LYPLAL1: variants seen among roughly 807,000 people sequenced by gnomAD.
The protein encoded by LYPLAL1 is lysophospholipase like 1.
In LYPLAL1, 23 loss-of-function variants were observed where a neutral mutation model predicts 19.7. That is an observed-to-expected ratio of 1.17 (90% CI 0.84 to 1.65). LYPLAL1 has a LOEUF of 1.65. LYPLAL1 is among the 40% of genes most tolerant of loss of function. LYPLAL1 has a pLI of 0.00. For missense variants in LYPLAL1, 355 were observed against 279.4 expected, an observed-to-expected ratio of 1.27 and a Z score of -1.93; for synonymous variants, 119 against 96.3, an observed-to-expected ratio of 1.24 and a Z score of -1.38.
chr1:219,295,125 C>T, the LYPLAL1 span, among the ~76,000 whole-genome samples: 1 of 152,132 alleles, frequency 6.6e-6, no homozygotes, highest in African/African-American at 2.4e-5. Context: ...GTGAGTTCAC[C>T]CTGGCTCTCC....
chr1:219,343,640 A>T, the LYPLAL1 span, among the ~76,000 whole-genome samples: 1 of 152,304 alleles, frequency 6.6e-6, no homozygotes, highest in South Asian at 2.1e-4. Flanking sequence ...CATGGCTCAA[A>T]ATTCTGGTAT....
the LYPLAL1 span, among the ~76,000 whole-genome samples, chr1:219,253,986 G>A: frequency 4.6e-5 from 7 of 151,944 alleles, no homozygotes; most frequent in East Asian, 7.7e-4. Context: ...TATAAATTTA[G>A]GATAGTTGAC....
chr1:219,336,473 C>T, the LYPLAL1 span, among the ~76,000 whole-genome samples: 5 of 151,848 alleles, frequency 3.3e-5, no homozygotes, highest in Non-Finnish European at 5.9e-5. Context: ...ATATGTTATG[C>T]ACTCAAAAAT....
At chr1:219,296,561 A>G in the LYPLAL1 span, among the ~76,000 whole-genome samples, 1 of 152,196 alleles carries the variant, frequency 6.6e-6, no homozygotes, top group East Asian at 1.9e-4. Context: ...TCATGAAAGA[A>G]AAACATCACC....
chr1:219,185,178 TTTA>T (rs1238934842), intron 2 of LYPLAL1, among the ~76,000 whole-genome samples: 1 of 151,912 alleles, frequency 6.6e-6, no homozygotes, highest in Non-Finnish European at 1.5e-5. Context: ...ATTTGTCAAA[TTTA>T]TTGACAAAAA....
chr1:219,221,321 C>T, the LYPLAL1 span, among the ~76,000 whole-genome samples: 1 of 152,182 alleles, frequency 6.6e-6, no homozygotes, highest in African/African-American at 2.4e-5. Flanking sequence ...AGGGGCTCCA[C>T]TGAGCCAGCA....
chr1:219,380,883 A>G, the LYPLAL1 span, among the ~76,000 whole-genome samples: 1 of 152,184 alleles, frequency 6.6e-6, no homozygotes, highest in Admixed American at 6.5e-5. Context: ...GTGTTCTAAT[A>G]AAATTGTATT....
At chr1:219,230,121 T>C in the LYPLAL1 span, among the ~76,000 whole-genome samples, 1 of 152,216 alleles carries the variant, frequency 6.6e-6, no homozygotes, top group Non-Finnish European at 1.5e-5. Context: ...GGTAGGCTTA[T>C]CTTTTTTTTG....
chr1:219,198,954 T>C (rs1376429930), intron 3 of LYPLAL1, among the ~76,000 whole-genome samples: 2 of 152,280 alleles, frequency 1.3e-5, no homozygotes, highest in Middle Eastern at 3.4e-3. Context: ...ACATGACATA[T>C]AACTATTCAA....
chr1:219,278,558 A>C, the LYPLAL1 span, among the ~76,000 whole-genome samples: 6 of 152,138 alleles, frequency 3.9e-5, no homozygotes, highest in Non-Finnish European at 7.3e-5. Context: ...TGAATTGAGG[A>C]AAGTCTGGCT....
At chr1:219,287,778 G>A in the LYPLAL1 span, among the ~76,000 whole-genome samples, 1 of 152,210 alleles carries the variant, frequency 6.6e-6, no homozygotes, top group Non-Finnish European at 1.5e-5. Context: ...CTTGATGGAG[G>A]GGCCTGGTGG....
At chr1:219,382,799 C>T in the LYPLAL1 span, among the ~76,000 whole-genome samples, 1 of 152,072 alleles carries the variant, frequency 6.6e-6, no homozygotes, top group East Asian at 1.9e-4. Flanking sequence ...ATTTTTATAA[C>T]TTGTATTTAC....
chr1:219,214,579 A>G (rs149666623), downstream of LYPLAL1, among the ~76,000 whole-genome samples: 1,153 of 151,640 alleles, frequency 7.6e-3, 4 homozygotes, highest in South Asian at 0.023. Flanking sequence ...ATAACCTTTC[A>G]TATTTCCCTT....
the LYPLAL1 span, among the ~76,000 whole-genome samples, chr1:219,303,825 A>G: frequency 6.6e-6 from 1 of 152,172 alleles, no homozygotes; most frequent in African/African-American, 2.4e-5. Flanking sequence ...TAGGTATCTT[A>G]TGATACCTGA....
the LYPLAL1 span, among the ~76,000 whole-genome samples, chr1:219,343,039 C>A: frequency 6.6e-6 from 1 of 152,128 alleles, no homozygotes; most frequent in Non-Finnish European, 1.5e-5. Flanking sequence ...CTGTATCTGG[C>A]GCTTGAGGAT....
At chr1:219,238,350 A>G in the LYPLAL1 span, among the ~76,000 whole-genome samples, 1 of 110,592 alleles carries the variant, frequency 9.0e-6, no homozygotes, top group African/African-American at 3.7e-5. Flanking sequence ...ACGGGGTTTC[A>G]CTGTGTTAGC....
At chr1:219,330,373 C>T in the LYPLAL1 span, among the ~76,000 whole-genome samples, 6 of 152,156 alleles carry the variant, frequency 3.9e-5, no homozygotes, top group African/African-American at 1.4e-4. Flanking sequence ...AGAGACTCAG[C>T]TTTATGAAAT....
the LYPLAL1 span, among the ~76,000 whole-genome samples, chr1:219,310,072 G>A: frequency 1.3e-5 from 2 of 152,166 alleles, no homozygotes; most frequent in Non-Finnish European, 2.9e-5. Context: ...TTAGGGGTTG[G>A]AAGATCTGAG....
At chr1:219,434,556 A>G in the LYPLAL1 span, among the ~76,000 whole-genome samples, 2 of 152,202 alleles carry the variant, frequency 1.3e-5, no homozygotes, top group Non-Finnish European at 2.9e-5. Flanking sequence ...ATGCATTTCT[A>G]TGAAATTATT....
Sources: gnomAD v4.1 joint callset for allele counts (sites outside exome capture counted in the v4.1 genomes callset) on GRCh38, gnomAD v4.1.1 for gene constraint, MANE v1.5 for transcripts, NCBI Gene and HGNC (gene_info 2026-07-23, HGNC 2026-07-21) for gene names.